RBFOX1: variants seen among roughly 807,000 people sequenced by gnomAD.
RBFOX1 encodes RNA binding fox-1 homolog 1.
A neutral mutation model predicts 57.7 loss-of-function variants in RBFOX1; 8 were observed. The observed-to-expected ratio is 0.14, with a 90% CI of 0.08 to 0.25. The LOEUF (loss-of-function observed/expected upper bound fraction) is 0.25, where lower values mean the gene tolerates loss of function less well. Among genes scored for constraint, RBFOX1 ranks in the 10% least tolerant of loss-of-function variants. RBFOX1 has a pLI of 1.00. For synonymous variants in RBFOX1, 326 were observed against 222.4 expected (o/e 1.47, Z -4.15); for missense variants, 611 against 548.5 (o/e 1.11, Z -1.14).
intron 1 of RBFOX1, among the ~76,000 whole-genome samples, chr16:5,281,707 G>T (rs2063275370): frequency 6.6e-6 from 1 of 152,080 alleles, no homozygotes; most frequent in East Asian, 1.9e-4. Flanking sequence ...TACAGTTTTT[G>T]ACTTAGTCTG....
intron 4 of RBFOX1, among the ~76,000 whole-genome samples, chr16:7,199,605 A>G (rs1292581515): frequency 1.3e-5 from 2 of 152,158 alleles, no homozygotes; most frequent in East Asian, 1.9e-4. Context: ...AAATTAGACA[A>G]AAAGGCTGGG....
At chr16:6,414,225 C>T (rs1468465388) in intron 2 of RBFOX1, among the ~76,000 whole-genome samples, 1 of 152,194 alleles carries the variant, frequency 6.6e-6, no homozygotes, top group Non-Finnish European at 1.5e-5. Flanking sequence ...TGGATGAAAG[C>T]AGTGTTTCTA....
chr16:7,654,050 C>A (rs767331437), intron 12 of RBFOX1, 103 bp downstream of exon 12: 6 of 1,261,606 alleles, frequency 4.8e-6, no homozygotes, highest in South Asian at 4.7e-5. Flanking sequence ...TCCCCCTCCG[C>A]CACCCCCAGA....
intron 3 of RBFOX1, among the ~76,000 whole-genome samples, chr16:5,661,257 T>C (rs2049638162): frequency 6.6e-6 from 1 of 152,224 alleles, no homozygotes; most frequent in Non-Finnish European, 1.5e-5. Flanking sequence ...ATGAGTAATA[T>C]GACATACGCT....
chr16:5,735,035 G>C (rs2052521343), intron 3 of RBFOX1, among the ~76,000 whole-genome samples: 1 of 152,222 alleles, frequency 6.6e-6, no homozygotes, highest in Non-Finnish European at 1.5e-5. Flanking sequence ...CATGAGAGAA[G>C]TATGTGAAGT....
intron 2 of RBFOX1, among the ~76,000 whole-genome samples, chr16:6,588,516 G>A (rs1479161715): frequency 1.3e-5 from 2 of 151,914 alleles, no homozygotes; most frequent in Non-Finnish European, 2.9e-5. Context: ...AGCCAGGTGT[G>A]GTGGTGCACA....
intron 2 of RBFOX1, among the ~76,000 whole-genome samples, chr16:6,406,408 A>T (rs945996298): frequency 6.6e-6 from 1 of 152,164 alleles, no homozygotes; most frequent in African/African-American, 2.4e-5. Flanking sequence ...AGAACATAAA[A>T]CTTAGACAAA....
intron 2 of RBFOX1, among the ~76,000 whole-genome samples, chr16:6,330,944 G>C (rs1460991341): frequency 6.6e-6 from 1 of 152,138 alleles, no homozygotes; most frequent in Admixed American, 6.5e-5. Flanking sequence ...ATCCTAGAAG[G>C]GGACATAGGA....
At chr16:7,709,432 A>T (rs1474577512) in intron 15 of RBFOX1, 1 of 1,333,994 alleles carries the variant, frequency 7.5e-7, no homozygotes, top group Non-Finnish European at 9.9e-7. Flanking sequence ...AACAGAATGC[A>T]GTGTCAATGC....
intron 3 of RBFOX1, among the ~76,000 whole-genome samples, chr16:5,709,637 C>A (rs939577526): frequency 6.6e-6 from 1 of 150,506 alleles, no homozygotes; most frequent in African/African-American, 2.5e-5. Context: ...AGGCACTTGT[C>A]TTGCTGCATT....
chr16:6,079,942 C>G (rs932457890), intron 1 of RBFOX1, among the ~76,000 whole-genome samples: 1 of 152,198 alleles, frequency 6.6e-6, no homozygotes, highest in Non-Finnish European at 1.5e-5. Flanking sequence ...GCTCATGTGT[C>G]TTGGATTGAC....
chr16:6,519,657 C>T (rs977572174), intron 2 of RBFOX1, among the ~76,000 whole-genome samples: 6 of 152,108 alleles, frequency 3.9e-5, no homozygotes, highest in Non-Finnish European at 7.4e-5. Context: ...GCTGAGATCA[C>T]GCTACTGCAC....
chr16:5,915,271 C>G (rs2058680881), intron 4 of RBFOX1, among the ~76,000 whole-genome samples: 1 of 152,176 alleles, frequency 6.6e-6, no homozygotes, highest in East Asian at 1.9e-4. Context: ...GCTTTTCCAT[C>G]TATTAATATT....
In RBFOX1 at chr16:6,150,650, C is replaced by T. The variant is rs146955096; in HGVS notation, c.-127+130658C>T. Among the ~76,000 whole-genome samples, 551 of 152,268 alleles carry T rather than the reference C, an allele frequency of 3.6e-3. 3 individuals are homozygous for T. Among genetic ancestry groups the T allele is most frequent in the African/African-American group, 0.012 (508 of 41,548 alleles). ...TTTCACCCACAGCATGACACACTTA[C>T]GGAAATTATCTCATTGCTGGTCCTA... is the stretch of plus-strand genomic sequence containing the variant. On this transcript the variant is annotated intron_variant, in intron 1 of 15. Transcript: ENST00000550418.
At chr16:6,961,666 T>C (rs2083041352) in intron 3 of RBFOX1, among the ~76,000 whole-genome samples, 1 of 152,148 alleles carries the variant, frequency 6.6e-6, no homozygotes, top group Non-Finnish European at 1.5e-5. Context: ...ATGAGTTTTC[T>C]GGGAAAGGGG....
intron 3 of RBFOX1, among the ~76,000 whole-genome samples, chr16:6,800,616 C>G (rs547669791): frequency 1.3e-5 from 2 of 152,208 alleles, no homozygotes; most frequent in Middle Eastern, 3.4e-3. Context: ...ATTCAGGATA[C>G]CAACATTTTT....
rs571241575 is a variant in RBFOX1 at position 6,201,725 on chromosome 16, G to T, written c.-126-115270G>T. Among the ~76,000 whole-genome samples the T allele has an allele frequency of 2.0e-5, 3 of 152,222 alleles. No individual in the cohort carries two copies. In the South Asian group the frequency reaches 6.2e-4, roughly 32 times the overall value. The stretch of plus-strand genomic sequence containing the variant: ...AACGCTTGAGGTGATGGATACCCCA[G>T]TTACCTTAATTTGATCCTTACACAT... On this transcript the variant is annotated intron_variant, in intron 1 of 15. Coordinates refer to ENST00000550418, the MANE Select transcript of RBFOX1 (RefSeq NM_018723.4).
intron 4 of RBFOX1, among the ~76,000 whole-genome samples, chr16:7,142,001 C>CTT (rs778759509): frequency 4.2e-5 from 3 of 71,908 alleles, no homozygotes; most frequent in Non-Finnish European, 1.2e-4. Flanking sequence ...CCTTCTTCTT[C>CTT]CTCCTTCTTC....
intron 14 of RBFOX1, among the ~76,000 whole-genome samples, chr16:7,703,723 C>A (rs1288089114): frequency 6.6e-6 from 1 of 152,160 alleles, no homozygotes; most frequent in African/African-American, 2.4e-5. Flanking sequence ...TTAACAAACA[C>A]GGGTTTATAT....
Sources: allele counts gnomAD v4.1 joint callset (sites outside exome capture counted in the v4.1 genomes callset), GRCh38; gene constraint gnomAD v4.1.1; transcripts MANE v1.5; gene names NCBI Gene and HGNC (gene_info 2026-07-23, HGNC 2026-07-21).